MCF2L2: variants seen among roughly 807,000 people sequenced by gnomAD.
MCF2L2 encodes MCF.2 cell line derived transforming sequence-like 2, also known as probable guanine nucleotide exchange factor MCF2L2.
Under a neutral mutation model 150.2 loss-of-function variants are expected in MCF2L2, and 102 were observed. The ratio of observed to expected loss-of-function variants is 0.68; its 90% CI spans 0.58 to 0.80. MCF2L2 has a LOEUF of 0.80. Ranked by LOEUF, MCF2L2 falls within the 30% of genes least tolerant of loss-of-function variation. MCF2L2 has a pLI of 0.00. For synonymous variants in MCF2L2, 465 were observed against 491.3 expected (o/e 0.95, Z 0.71); for missense variants, 1,256 against 1,372.8 (o/e 0.91, Z 1.34).
chr3:183,360,074 C>T (rs1005829069), intron 3 of MCF2L2, among the ~76,000 whole-genome samples: 3 of 152,086 alleles, frequency 2.0e-5, no homozygotes, highest in Non-Finnish European at 4.4e-5. Context: ...ATGGTAAAGA[C>T]GATGCTGTTA....
chr3:183,184,111 G>A (rs940825138), intron 27 of MCF2L2, among the ~76,000 whole-genome samples: 9 of 152,126 alleles, frequency 5.9e-5, no homozygotes, highest in Admixed American at 4.6e-4. Context: ...TCCTTCTCCC[G>A]GGTTCAAGCA....
chr3:183,343,994 T>C (rs1038934188), intron 3 of MCF2L2, among the ~76,000 whole-genome samples: 2 of 152,060 alleles, frequency 1.3e-5, no homozygotes. Flanking sequence ...AACAACAAGA[T>C]ACTATCTCTA....
intron 1 of MCF2L2, among the ~76,000 whole-genome samples, chr3:183,391,280 A>G (rs1310941420): frequency 2.1e-5 from 3 of 144,094 alleles, no homozygotes; most frequent in Non-Finnish European, 4.5e-5. Flanking sequence ...TTTTTTTCTG[A>G]AAGTCTTGTA....
rs1729050053 is a variant in MCF2L2, at chr3:183,305,426, G to A, written c.1113+4290C>T. Among the ~76,000 whole-genome samples, 1 of 152,008 alleles carries A rather than the reference G, an allele frequency of 6.6e-6. No individual in the cohort carries two copies. The highest frequency in any genetic ancestry group is 2.1e-4 in the South Asian group (1 of 4,820). On this transcript the variant is annotated intron_variant, in intron 10 of 29. Transcript: ENST00000328913. This position sits in a 1 kb window ranked among gnomAD's most constrained non-coding sequence, Gnocchi z 4.1. ...ACAGGATACTTCCAAATCACCCTGT[G>A]GTGATCAGAGCCTGCCCTTCCCTCA...
Position 183,314,335 on chromosome 3 carries a change from G to A in MCF2L2, c.754-2563C>T, listed in dbSNP as rs533957980. Among the ~76,000 whole-genome samples, 12 of 152,254 alleles carry A rather than the reference G, an allele frequency of 7.9e-5. 1 individual carries two copies. The highest frequency in any genetic ancestry group is 2.9e-4 in the African/African-American group (12 of 41,540). ...ATCAGTTTGCTTAGAAGTTTGATAC[G>A]ATTGTTCCACTGTGGATGTTTAGAG... On this transcript the variant is annotated intron_variant, in intron 7 of 29. Coordinates refer to ENST00000328913, the MANE Select transcript of MCF2L2 (RefSeq NM_015078.4).
chr3:183,278,220 A>G (rs969777505), intron 14 of MCF2L2, among the ~76,000 whole-genome samples: 1 of 148,758 alleles, frequency 6.7e-6, no homozygotes, highest in African/African-American at 2.5e-5. Flanking sequence ...ATTTTTTATT[A>G]TATTGTTTAT....
intron 12 of MCF2L2, among the ~76,000 whole-genome samples, chr3:183,295,737 C>T (rs1273289839): frequency 1.3e-5 from 2 of 152,092 alleles, no homozygotes; most frequent in Non-Finnish European, 2.9e-5. Flanking sequence ...GTGCCTGGAA[C>T]ACCCTGGCAC....
intron 15 of MCF2L2, among the ~76,000 whole-genome samples, chr3:183,274,266 T>C (rs988512786): frequency 6.6e-5 from 10 of 152,132 alleles, no homozygotes; most frequent in Non-Finnish European, 1.0e-4. Context: ...AAGCAATGCA[T>C]GACTATAATC....
intron 15 of MCF2L2, among the ~76,000 whole-genome samples, chr3:183,239,161 C>A (rs922114935): frequency 1.3e-5 from 2 of 152,154 alleles, no homozygotes. Flanking sequence ...CTACTCAGAG[C>A]TAGAGGACTG....
intron 27 of MCF2L2, chr3:183,192,617 C>T (rs73886264): frequency 0.021 from 3,451 of 165,674 alleles, 146 homozygotes; most frequent in African/African-American, 0.077. Flanking sequence ...CAGCGGAAGG[C>T]GCCAGATTTC....
Position 183,193,052 on chromosome 3 carries a change from T to C in MCF2L2, c.2963A>G (p.Glu988Gly), listed in dbSNP as rs1323426069. 7 of 1,614,160 alleles carry C rather than the reference T, an allele frequency of 4.3e-6. No individual in the cohort carries two copies. The highest frequency in any genetic ancestry group is 5.9e-6 in the Non-Finnish European group (7 of 1,180,020). ...GTCTTCCTTGCTAGTGGTAGCTCTT[T>C]CCATATTTTTAATCCATGGTCCGGA... The part of the protein sequence containing the change: ...AGSGPWIKNM[E>G]RATTSKEDPA... Residue 988 changes from glutamate (E) to glycine (G), a missense_variant, in exon 27 of 30, where the codon GAA becomes GGA. Transcript: ENST00000328913.
intron 15 of MCF2L2, chr3:183,273,223 T>TA (rs1395283063): frequency 2.6e-6 from 1 of 391,734 alleles, no homozygotes; most frequent in Non-Finnish European, 4.7e-6. Flanking sequence ...GTGTTATTGT[T>TA]AAAATTTTTT....
intron 20 of MCF2L2, among the ~76,000 whole-genome samples, chr3:183,222,853 G>A (rs1243188179): frequency 6.6e-6 from 1 of 151,996 alleles, no homozygotes. Flanking sequence ...AGGGGTAAAG[G>A]TCAGAGAGAG....
At chr3:183,421,922 A>G (rs1460950634) in intron 1 of MCF2L2, among the ~76,000 whole-genome samples, 1 of 152,180 alleles carries the variant, frequency 6.6e-6, no homozygotes, top group East Asian at 1.9e-4. Context: ...GGTTGTGCCC[A>G]TAGTCTGTGT....
intron 15 of MCF2L2, among the ~76,000 whole-genome samples, chr3:183,233,978 T>C (rs1290973747): frequency 2.0e-5 from 3 of 152,236 alleles, no homozygotes; most frequent in Non-Finnish European, 4.4e-5. Context: ...CCACAGAGGA[T>C]GTAATTTCCG....
At chr3:183,182,921 G>A (rs1721580683) in intron 27 of MCF2L2, among the ~76,000 whole-genome samples, 1 of 152,164 alleles carries the variant, frequency 6.6e-6, no homozygotes, top group Admixed American at 6.5e-5. Context: ...CTGAGTCAGG[G>A]CCAGGACCGG....
intron 27 of MCF2L2, among the ~76,000 whole-genome samples, chr3:183,191,171 C>T (rs148344029): frequency 3.3e-5 from 5 of 152,250 alleles, no homozygotes; most frequent in Admixed American, 2.0e-4. Flanking sequence ...CCACCGCACC[C>T]GGCTGACTTT....
rs760238857 is a variant in MCF2L2, at chr3:183,180,039, G to A, written c.3105+32C>T. On this transcript the variant is annotated intron_variant, in intron 28 of 29. Coordinates refer to ENST00000328913, the MANE Select transcript of MCF2L2 (RefSeq NM_015078.4). ...GAGCTGATGAATAGGAAGGAGGGAAGAAGATGAAAGAAACAAAAGGGAAGT... is the reference window on the plus strand; with the variant it reads ...GAGCTGATGAATAGGAAGGAGGGAAAAAGATGAAAGAAACAAAAGGGAAGT... 2.6e-6 allele frequency: 4 copies of A among 1,524,064 alleles called. No homozygotes were observed. The Admixed American group carries it at 5.0e-5, about 19-fold the overall frequency. The allele number at this position is 1,524,064 out of a possible 1,614,324, so 94.4% of individuals were successfully genotyped here. A position where few individuals can be genotyped will look rare whatever the true frequency, so the allele number is the denominator to read the frequency against.
chr3:183,383,058 T>C (rs1293801158), intron 2 of MCF2L2, among the ~76,000 whole-genome samples: 2 of 152,142 alleles, frequency 1.3e-5, no homozygotes, highest in Non-Finnish European at 2.9e-5. Flanking sequence ...CCTAGGATAC[T>C]AAATGACCCA....
Sources: gnomAD v4.1 joint callset for allele counts (sites outside exome capture counted in the v4.1 genomes callset) on GRCh38, gnomAD v4.1.1 for gene constraint, Gnocchi (gnomAD v3.1) non-coding constraint, MANE v1.5 for transcripts, NCBI Gene and HGNC (gene_info 2026-07-23, HGNC 2026-07-21) for gene names.